The following CCDC102B variants were observed in gnomAD, a reference collection of about 807,000 sequenced individuals.
CCDC102B encodes coiled-coil domain containing 102B.
A neutral mutation model predicts 57.4 loss-of-function variants in CCDC102B; 75 were observed. That is an observed-to-expected ratio of 1.31 (90% CI 1.08 to 1.58). The LOEUF is 1.58. CCDC102B is among the 40% of genes most tolerant of loss of function. CCDC102B has a pLI of 0.00. For missense variants in CCDC102B, 636 were observed against 582.6 expected (o/e 1.09, Z -0.94); for synonymous variants, 206 against 201.9 (o/e 1.02, Z -0.17).
intron 7 of CCDC102B, among the ~76,000 whole-genome samples, chr18:69,033,269 A>T (rs1383330629): frequency 6.6e-6 from 1 of 152,146 alleles, no homozygotes; most frequent in Non-Finnish European, 1.5e-5. Context: ...AAATTATTTT[A>T]ACAGCTTTAT....
intron 6 of CCDC102B, among the ~76,000 whole-genome samples, chr18:68,997,260 A>G (rs1308951562): frequency 6.6e-6 from 1 of 152,136 alleles, no homozygotes; most frequent in Non-Finnish European, 1.5e-5. Flanking sequence ...CCACACATAC[A>G]TTTTATAGTA....
intron 7 of CCDC102B, among the ~76,000 whole-genome samples, chr18:69,034,691 TTATATA>T (rs968319720): frequency 6.6e-6 from 1 of 151,240 alleles, no homozygotes; most frequent in Non-Finnish European, 1.5e-5. Context: ...GTTCTATACT[TTATATA>T]TATATGCATA....
intron 2 of CCDC102B, among the ~76,000 whole-genome samples, chr18:68,756,602 T>G (rs143667129): frequency 1.3e-5 from 2 of 152,274 alleles, no homozygotes; most frequent in Non-Finnish European, 2.9e-5. Context: ...TCATGCCCAA[T>G]GTAATCTTTA....
In CCDC102B at chr18:68,897,295, A is replaced by G. The variant is rs2040275826; in HGVS notation, c.1130A>G (p.Glu377Gly). 6.2e-7 allele frequency: 1 copy of G among 1,613,212 alleles called. No homozygotes were observed. The highest frequency in any genetic ancestry group is 8.5e-7 in the Non-Finnish European group (1 of 1,179,344). ...EILEREKQGL[E>G]RENRRLKIQV... Reference sequence around the variant, plus strand: ...CTTGAAAGAGAAAAGCAGGGACTGGAGAGAGAAAATAGAAGGCTGAAGATC... The same window carrying G: ...CTTGAAAGAGAAAAGCAGGGACTGGGGAGAGAAAATAGAAGGCTGAAGATC... The change falls in exon 6 of 8, where the codon GAG becomes GGG. Residue 377 changes from glutamate to glycine, a missense_variant. Coordinates refer to ENST00000360242, the MANE Select transcript of CCDC102B (RefSeq NM_024781.3).
chr18:68,733,378 T>C (rs1260801262), intron 2 of CCDC102B, among the ~76,000 whole-genome samples: 1 of 151,430 alleles, frequency 6.6e-6, no homozygotes, highest in Non-Finnish European at 1.5e-5. Context: ...TCTTTGCAAA[T>C]TACCTTGTGG....
At chr18:68,872,322 G>T (rs1456135408) in intron 4 of CCDC102B, among the ~76,000 whole-genome samples, 1 of 152,096 alleles carries the variant, frequency 6.6e-6, no homozygotes, top group Non-Finnish European at 1.5e-5. Flanking sequence ...AGGTGCACGG[G>T]AACTGTCCAA....
chr18:68,944,683 G>T (rs116516745), intron 6 of CCDC102B, among the ~76,000 whole-genome samples: 1,602 of 151,886 alleles, frequency 0.011, 28 homozygotes, highest in African/African-American at 0.037. Context: ...AAACATTCAA[G>T]TCATAGCAAA....
At chr18:69,007,368 T>C (rs1477252335) in intron 6 of CCDC102B, among the ~76,000 whole-genome samples, 2 of 152,192 alleles carry the variant, frequency 1.3e-5, no homozygotes, top group East Asian at 1.9e-4. Flanking sequence ...AAGTCTCAGA[T>C]TGTTGTTGTC....
At position 68,975,804 on chromosome 18, in the gene CCDC102B, C is replaced by T. The variant is rs186925766; in HGVS notation, c.1264-35130C>T. Among the ~76,000 whole-genome samples the T allele has an allele frequency of 1.1e-4, 17 of 151,026 alleles. No homozygotes were observed. In the East Asian group the frequency reaches 1.8e-3, roughly 16 times the overall value. On this transcript the variant is annotated intron_variant, in intron 6 of 7. Transcript: ENST00000360242. ...CTTTCTACAAACAGTGTGTTTCTTA[C>T]GCTCAGGGAGGAAACATTCTACACC...
intron 7 of CCDC102B, among the ~76,000 whole-genome samples, chr18:69,050,693 T>C (rs2052682487): frequency 6.6e-6 from 1 of 152,194 alleles, no homozygotes; most frequent in African/African-American, 2.4e-5. Context: ...TCTGTGGATA[T>C]GAAACTTGCT....
intron 6 of CCDC102B, among the ~76,000 whole-genome samples, chr18:69,010,178 G>A (rs1169599567): frequency 1.4e-5 from 2 of 144,694 alleles, no homozygotes; most frequent in African/African-American, 5.1e-5. Context: ...TTCTGACCTC[G>A]TGATCCGCCT....
At chr18:69,014,316 C>T (rs2051601065) in intron 7 of CCDC102B, among the ~76,000 whole-genome samples, 3 of 152,292 alleles carry the variant, frequency 2.0e-5, no homozygotes, top group Middle Eastern at 3.4e-3. Context: ...AGAGAATATT[C>T]TCCAATGGCA....
At chr18:68,906,509 T>G (rs2040649382) in intron 6 of CCDC102B, among the ~76,000 whole-genome samples, 1 of 152,186 alleles carries the variant, frequency 6.6e-6, no homozygotes. Context: ...TTTGTTTTGT[T>G]TTGTTTTTTA....
chr18:68,998,384 T>C (rs2051091569), intron 6 of CCDC102B, among the ~76,000 whole-genome samples: 1 of 143,580 alleles, frequency 7.0e-6, no homozygotes, highest in African/African-American at 2.6e-5. Context: ...TATACATACA[T>C]CTACATACAC....
intron 4 of CCDC102B, among the ~76,000 whole-genome samples, chr18:68,851,340 T>C (rs2038113793): frequency 6.6e-6 from 1 of 152,164 alleles, no homozygotes. Flanking sequence ...TTCAGCTTGT[T>C]CTTTGCATGA....
chr18:68,878,438 A>G (rs565110747), intron 5 of CCDC102B, among the ~76,000 whole-genome samples: 119 of 152,302 alleles, frequency 7.8e-4, no homozygotes, highest in Admixed American at 1.2e-3. Context: ...CACGTTGGTC[A>G]CTAGTATGGT....
intron 1 of CCDC102B, among the ~76,000 whole-genome samples, chr18:68,807,203 C>T (rs1858931080): frequency 6.6e-6 from 1 of 151,920 alleles, no homozygotes; most frequent in South Asian, 2.1e-4. Flanking sequence ...AGATGGTGGC[C>T]TCTAGAAACA....
chr18:68,986,066 C>T (rs1568102306), intron 6 of CCDC102B, among the ~76,000 whole-genome samples: 1 of 152,070 alleles, frequency 6.6e-6, no homozygotes, highest in Non-Finnish European at 1.5e-5. Context: ...TATTTATCTT[C>T]AAAACCAAGA....
At chr18:68,966,954 A>G (rs916563969) in intron 6 of CCDC102B, among the ~76,000 whole-genome samples, 1 of 152,144 alleles carries the variant, frequency 6.6e-6, no homozygotes, top group African/African-American at 2.4e-5. Context: ...ACTTTTGTTC[A>G]GTAGGGGAGG....
Sources: allele counts gnomAD v4.1 joint callset (sites outside exome capture counted in the v4.1 genomes callset), GRCh38; gene constraint gnomAD v4.1.1; transcripts MANE v1.5; gene names NCBI Gene and HGNC (gene_info 2026-07-23, HGNC 2026-07-21).